MYO15A: variants seen among roughly 807,000 people sequenced by gnomAD.
MYO15A encodes the protein myosin XVA.
A neutral mutation model predicts 394.6 loss-of-function variants in MYO15A; 308 were observed. That is an observed-to-expected ratio of 0.78 (90% CI 0.71 to 0.86). MYO15A has a LOEUF of 0.86. MYO15A is among the 40% of genes least tolerant of loss of function. The pLI is 0.00. For missense variants in MYO15A, 4,606 were observed against 4,799.1 expected (o/e 0.96, Z 1.19); for synonymous variants, 1,957 against 2,003.8 (o/e 0.98, Z 0.62).
Position 18,149,556 on chromosome 17 carries a change from C to A in MYO15A, c.7188C>A (p.Asp2396Glu), listed in dbSNP as rs1231276113. Residue 2396 changes from aspartate to glutamate, a missense_variant, in exon 35 of 66, where the codon GAC becomes GAA. Coordinates refer to ENST00000647165, the MANE Select transcript of MYO15A (RefSeq NM_016239.4). ...GLDCYLDSLFDPVLSYGDADL... is the reference protein window; with the variant it reads ...GLDCYLDSLFEPVLSYGDADL... ...ACTGCTACCTGGATAGCCTCTTTGACCCTGTGCTGTCCTACGGGGATGCGG... is the reference window on the plus strand; with the variant it reads ...ACTGCTACCTGGATAGCCTCTTTGAACCTGTGCTGTCCTACGGGGATGCGG... 1 of 1,614,150 alleles carries A rather than the reference C, an allele frequency of 6.2e-7. No homozygotes were observed. The highest frequency in any genetic ancestry group is 8.5e-7 in the Non-Finnish European group (1 of 1,180,014).
intron 5 of MYO15A, 113 bp from the exon 6 acceptor site, chr17:18,126,678 G>T (rs977825868): frequency 9.2e-6 from 12 of 1,300,184 alleles, no homozygotes; most frequent in African/African-American, 7.3e-5. Flanking sequence ...CCCCAACAGG[G>T]TGAGGGGTGG....
At chr17:18,135,959 G>A (rs2046259800) in intron 13 of MYO15A, 135 bp downstream of exon 13, 1 of 765,372 alleles carries the variant, frequency 1.3e-6, no homozygotes. Context: ...ATGGAGGGGA[G>A]TAATTTCAGA....
At position 18,153,828 on chromosome 17, in the gene MYO15A, C is replaced by T. The variant is rs2046627331; in HGVS notation, c.8020C>T (p.His2674Tyr). 1.9e-6 allele frequency: 3 copies of T among 1,613,490 alleles called. No individual in the cohort carries two copies. The South Asian group carries it at 3.3e-5, about 18-fold the overall frequency. Residue 2674 changes from histidine to tyrosine, a missense_variant, in exon 43 of 66, where the codon CAC becomes TAC. Around this residue, in one of 2 missense-constraint regions of MYO15A, gnomAD observed 2,776 missense variants for 3,109.3 expected, o/e 0.89. Transcript: ENST00000647165. The surrounding 1 kb of genome is among the most constrained non-coding windows in gnomAD (Gnocchi z 4.1). Reference protein sequence around the residue: ...PPEELTQTRLHRLINPNFYGY... With the variant: ...PPEELTQTRLYRLINPNFYGY... Reference sequence around the variant, plus strand: ...TGAGGAACTCACGCAGACGCGGCTGCACCGCCTCATCAATCCCAACTTCTA... The same window carrying T: ...TGAGGAACTCACGCAGACGCGGCTGTACCGCCTCATCAATCCCAACTTCTA...
At chr17:18,126,506 C>T in intron 5 of MYO15A, 50 bp downstream of exon 5, 6 of 1,549,362 alleles carry the variant, frequency 3.9e-6, no homozygotes, top group South Asian at 3.4e-5. Flanking sequence ...CCCTCTTTCC[C>T]CTGCTCTGGG....
chr17:18,163,897 TGTGGGGCCCTCCACCCA>T, intron 60 of MYO15A, 59 bp downstream of exon 60: 1 of 1,552,848 alleles, frequency 6.4e-7, no homozygotes, highest in Non-Finnish European at 8.8e-7. Context: ...CCTTGTGCCA[TGTGGGGCCCTCCACCCA>T]GATTTTAGGG....
intron 16 of MYO15A, 36 bp from the exon 17 acceptor site, chr17:18,138,079 A>T (rs752207262): frequency 1.2e-6 from 2 of 1,602,730 alleles, no homozygotes; most frequent in South Asian, 2.2e-5. Context: ...CTGGACAGGG[A>T]TGGGAGGTTG....
rs775681000 is a variant in MYO15A at position 18,163,744 on chromosome 17, G to A, written c.9693G>A (p.Val3231=). 2 of 1,612,392 alleles carry A rather than the reference G, an allele frequency of 1.2e-6. No individual in the cohort carries two copies. Among genetic ancestry groups the A allele is most frequent in the South Asian group, 2.2e-5 (2 of 90,630 alleles). The stretch of plus-strand genomic sequence containing the variant: ...CATCTCTTCCGCCCCACCCCCAGGT[G>A]GCCCTGGACGTGGTGGAAGAGATAT... ...ERHLKIKTCT[V]ALDVVEEICA... is the part of the protein sequence containing the mutation. Residue 3231 remains valine (V), a splice_region_variant and synonymous_variant, in exon 60 of 66, where the codon GTG becomes GTA. Coordinates refer to ENST00000647165, the MANE Select transcript of MYO15A (RefSeq NM_016239.4).
chr17:18,121,537 C>A lies in MYO15A; in HGVS notation c.2737C>A (p.Pro913Thr), dbSNP rs199512838. Reference sequence around the variant, plus strand: ...GGAACACCGGGAGAGCCCGCGAGAACCCGAGGACTCAGAGACGCCCTGGAC... The same window carrying A: ...GGAACACCGGGAGAGCCCGCGAGAAACCGAGGACTCAGAGACGCCCTGGAC... ...PLEHRESPRE[P>T]EDSETPWTVP... Residue 913 changes from proline (P) to threonine (T), a missense_variant, in exon 2 of 66, where the codon CCC (proline) becomes ACC (threonine). This residue lies in a region of MYO15A where 1,830 missense variants were observed against 1,689.7 expected (regional missense o/e 1.08). Coordinates refer to ENST00000647165, the MANE Select transcript of MYO15A (RefSeq NM_016239.4). The surrounding 1 kb of genome is among the most constrained non-coding windows in gnomAD (Gnocchi z 5.3). The A allele has an allele frequency of 1.9e-6, 3 of 1,573,362 alleles. No individual in the cohort carries two copies. Among genetic ancestry groups the A allele is most frequent in the Non-Finnish European group, 2.6e-6 (3 of 1,160,210 alleles).
At chr17:18,170,938 C>T (rs1285701367) in intron 62 of MYO15A, among the ~76,000 whole-genome samples, 1 of 152,154 alleles carries the variant, frequency 6.6e-6, no homozygotes, top group Non-Finnish European at 1.5e-5. Context: ...GTTCAGATGC[C>T]AGGCCCTTAC....
chr17:18,166,539 TCTCTGGA>T lies in MYO15A; in HGVS notation c.9948+25_9948+31del. On this transcript the variant is annotated intron_variant, in intron 61 of 65. Coordinates refer to ENST00000647165, the MANE Select transcript of MYO15A (RefSeq NM_016239.4). ...ACAACCAGGTCAGCACACGTAGGCT[TCTCTGGA>T]CTCTGGGACCTTCTAGGCTCCCCTG... 1 of 1,610,610 alleles carries T rather than the reference TCTCTGGA, an allele frequency of 6.2e-7. No individual in the cohort carries two copies. Among genetic ancestry groups the T allele is most frequent in the Non-Finnish European group, 8.5e-7 (1 of 1,179,986 alleles).
chr17:18,136,065 A>G (rs2046262230), intron 13 of MYO15A, among the ~76,000 whole-genome samples: 1 of 152,102 alleles, frequency 6.6e-6, no homozygotes, highest in African/African-American at 2.4e-5. Context: ...CTCATCCTTT[A>G]AGACCCTATC....
At chr17:18,127,237 G>A in intron 7 of MYO15A, 72 bp downstream of exon 7, 3 of 1,550,304 alleles carry the variant, frequency 1.9e-6, no homozygotes, top group Non-Finnish European at 2.6e-6. Flanking sequence ...TACTCCCGAA[G>A]AGGCAAGGCT....
At position 18,121,116 on chromosome 17, in the gene MYO15A, G is replaced by A. The variant is rs758361924; in HGVS notation, c.2316G>A (p.Pro772=). The change falls in exon 2 of 66, where the codon CCG becomes CCA. Residue 772 remains proline (P), a synonymous_variant. Transcript: ENST00000647165. This position sits in a 1 kb window ranked among gnomAD's most constrained non-coding sequence, Gnocchi z 5.3. ...PRASRRRAWS[P]LASPQPSLRS... ...CGTCGCGGAGGCGAGCTTGGTCACC[G>A]CTGGCCTCGCCCCAGCCCTCGCTGA... 1.3e-6 allele frequency: 2 copies of A among 1,505,158 alleles called. No homozygotes were observed. The highest frequency in any genetic ancestry group is 2.7e-5 in the East Asian group (1 of 37,658). 93.2% of individuals were successfully genotyped at this position (1,505,158 alleles called of 1,614,324 possible). A position where few individuals can be genotyped will look rare whatever the true frequency, so the allele number is the denominator to read the frequency against.
Position 18,120,606 on chromosome 17 carries a change from C to G in MYO15A, c.1806C>G (p.Val602=), listed in dbSNP as rs752023281. The change falls in exon 2 of 66, where the codon GTC becomes GTG. Residue 602 remains valine (V), a synonymous_variant. Coordinates refer to ENST00000647165, the MANE Select transcript of MYO15A (RefSeq NM_016239.4). Reference sequence around the variant, plus strand: ...AGGCCCGGGCGGGCGGCCCTGCTGTCAGGGAGGCGGCCTACAAACGCTTCG... The same window carrying G: ...AGGCCCGGGCGGGCGGCCCTGCTGTGAGGGAGGCGGCCTACAAACGCTTCG... The part of the protein sequence containing the change: ...SQKARAGGPA[V]REAAYKRFGY... 20 of 1,597,988 alleles carry G rather than the reference C, an allele frequency of 1.3e-5. No individual in the cohort carries two copies. In the Middle Eastern group the frequency reaches 5.2e-4, roughly 41 times the overall value.
chr17:18,112,289 T>C (rs1423821523), intron 1 of MYO15A, among the ~76,000 whole-genome samples: 1 of 151,380 alleles, frequency 6.6e-6, no homozygotes, highest in Non-Finnish European at 1.5e-5. Flanking sequence ...GGGGTGGGGT[T>C]GGACCTGTGA....
chr17:18,137,859 G>A, intron 16 of MYO15A, 180 bp downstream of exon 16: 3 of 872,444 alleles, frequency 3.4e-6, no homozygotes, highest in South Asian at 1.5e-5. Context: ...AGGGAAAGGT[G>A]CTGAGGTGCT....
chr17:18,124,325 G>A (rs2045992412), intron 2 of MYO15A, 158 bp from the exon 3 acceptor site: 6 of 727,582 alleles, frequency 8.2e-6, no homozygotes, highest in Non-Finnish European at 1.5e-5. Context: ...GGTTCTGGGG[G>A]CCACAGCATT....
chr17:18,117,167 C>T lies in MYO15A; in HGVS notation c.-219-1415C>T, dbSNP rs920424143. 6.6e-6 allele frequency among the ~76,000 whole-genome samples: 1 copy of T among 152,222 alleles called. No homozygotes were observed. On this transcript the variant is annotated intron_variant, in intron 1 of 65. Transcript: ENST00000647165. The surrounding 1 kb of genome is among the most constrained non-coding windows in gnomAD (Gnocchi z 4.1). The stretch of plus-strand genomic sequence containing the variant: ...TGCCTGCACCAGGCACCAACAGCCC[C>T]TGGTGCAACTCCTCTGAGTGGCTGG...
rs991876770 is a variant in MYO15A, at chr17:18,152,301, T to C, written c.7966+117T>C. The C allele has an allele frequency of 1.2e-5, 12 of 996,066 alleles. No homozygotes were observed. The East Asian group carries it at 2.6e-4, about 22-fold the overall frequency. The allele number at this position is 996,066 out of a possible 1,614,324, so 61.7% of individuals were successfully genotyped here. A position where few individuals can be genotyped will look rare whatever the true frequency, so the allele number is the denominator to read the frequency against. Reference sequence around the variant, plus strand: ...CTATGTCCCTGAGCCCCTGTGTACATCTTGTGAGCACATTGGTGTAATTAT... The same window carrying C: ...CTATGTCCCTGAGCCCCTGTGTACACCTTGTGAGCACATTGGTGTAATTAT... On this transcript the variant is annotated intron_variant, in intron 42 of 65. Transcript: ENST00000647165.
Sources: gnomAD v4.1 joint callset for allele counts (sites outside exome capture counted in the v4.1 genomes callset) on GRCh38, gnomAD v4.1.1 for gene constraint, gnomAD v4.1.1 regional missense constraint, Gnocchi (gnomAD v3.1) non-coding constraint, MANE v1.5 for transcripts, NCBI Gene and HGNC (gene_info 2026-07-23, HGNC 2026-07-21) for gene names.